The following CMPK1 variants were observed in gnomAD, a reference collection of about 807,000 sequenced individuals.
CMPK1 encodes UMP-CMP kinase.
A neutral mutation model predicts 25.7 loss-of-function variants in CMPK1; 10 were observed. The observed-to-expected ratio is 0.39, with a 90% confidence interval of 0.24 to 0.66. The LOEUF (loss-of-function observed/expected upper bound fraction) is 0.66. CMPK1 is among the 30% of genes least tolerant of loss of function. The probability of loss-of-function intolerance (pLI) is 0.48; values close to 1 mark genes in which losing one functional copy is unlikely to be tolerated. For synonymous variants in CMPK1, 106 were observed against 101.5 expected, an observed-to-expected ratio of 1.04 and a Z score of -0.27; for missense variants, 199 against 280.5, an observed-to-expected ratio of 0.71 and a Z score of 2.08.
intron 1 of CMPK1, among the ~76,000 whole-genome samples, chr1:47,367,014 C>T (rs1646643607): frequency 6.6e-6 from 1 of 152,156 alleles, no homozygotes; most frequent in South Asian, 2.1e-4. Context: ...GTGTGAGCCA[C>T]CGCACCCAGC....
At position 47,334,246 on chromosome 1, in the gene CMPK1, G is replaced by C. The variant is rs1170355335; in HGVS notation, c.171+130G>C. 7.6e-6 allele frequency: 7 copies of C among 921,030 alleles called. No homozygotes were observed. In the African/African-American group the frequency reaches 1.2e-4, roughly 16 times the overall value. The allele number at this position is 921,030 out of a possible 1,614,324, so 57.1% of individuals were successfully genotyped here. A position where few individuals can be genotyped will look rare whatever the true frequency, so the allele number is the denominator to read the frequency against. ...TACGAGTCCCGGCGGCCACCGCGCC[G>C]CCCGCGTGGCAGTGGCCGAGGGCCG... On this transcript the variant is annotated intron_variant, in intron 1 of 5. Transcript: ENST00000371873.
chr1:47,358,981 C>T (rs778375288), intron 1 of CMPK1: 8 of 969,574 alleles, frequency 8.3e-6, no homozygotes, highest in Non-Finnish European at 9.8e-6. Flanking sequence ...ATTCCTTAGG[C>T]AAATGATATT....
At chr1:47,345,321 T>A (rs1019102181) in intron 1 of CMPK1, among the ~76,000 whole-genome samples, 1 of 152,088 alleles carries the variant, frequency 6.6e-6, no homozygotes, top group African/African-American at 2.4e-5. Flanking sequence ...TGTCTCAGTT[T>A]TTTTTTTTCA....
rs377070117 is a variant in CMPK1 at position 47,352,277 on chromosome 1, G to C, written c.172-16192G>C. On this transcript the variant is annotated intron_variant, in intron 1 of 5. Transcript: ENST00000371873. The stretch of plus-strand genomic sequence containing the variant: ...TTATAAACATTTTCTCCCATCCTGT[G>C]GGCTGTCTTTTATTTTCTTGGTAGT... Among the ~76,000 whole-genome samples, 139 of 152,174 alleles carry C rather than the reference G, an allele frequency of 9.1e-4. 1 individual carries two copies. In the South Asian group the frequency reaches 0.029, roughly 31 times the overall value.
chr1:47,359,457 A>G (rs1173407680), intron 1 of CMPK1, among the ~76,000 whole-genome samples: 6 of 133,532 alleles, frequency 4.5e-5, no homozygotes, highest in Non-Finnish European at 9.2e-5. Flanking sequence ...GCATGATCTC[A>G]GCTCACTGCA....
chr1:47,364,266 G>A (rs150271402), intron 1 of CMPK1, among the ~76,000 whole-genome samples: 223 of 152,112 alleles, frequency 1.5e-3, no homozygotes, highest in Middle Eastern at 3.4e-3. Flanking sequence ...TCTAAAGGAC[G>A]CCTAATAGTT....
intron 1 of CMPK1, among the ~76,000 whole-genome samples, chr1:47,362,037 A>C (rs1414929980): frequency 6.6e-6 from 1 of 151,570 alleles, no homozygotes; most frequent in Admixed American, 6.6e-5. Context: ...TGCCTGGCTA[A>C]TTTTGTATTT....
At chr1:47,371,771 T>G (rs1323555854) in intron 2 of CMPK1, among the ~76,000 whole-genome samples, 1 of 152,218 alleles carries the variant, frequency 6.6e-6, no homozygotes, top group African/African-American at 2.4e-5. Context: ...AAAATGTTTG[T>G]TTTGAATTCC....
At chr1:47,375,772 T>C (rs965135161) in intron 5 of CMPK1, among the ~76,000 whole-genome samples, 7 of 152,218 alleles carry the variant, frequency 4.6e-5, no homozygotes, top group African/African-American at 1.7e-4. Context: ...CCATGACTTA[T>C]CACTTCTCTT....
chr1:47,352,766 A>G (rs560180830), intron 1 of CMPK1, among the ~76,000 whole-genome samples: 33 of 152,300 alleles, frequency 2.2e-4, no homozygotes, highest in Non-Finnish European at 3.4e-4. Context: ...ATCAAGAACC[A>G]AGAGGCCCAT....
intron 1 of CMPK1, among the ~76,000 whole-genome samples, chr1:47,351,494 G>A (rs1646522280): frequency 6.6e-6 from 1 of 152,174 alleles, no homozygotes; most frequent in South Asian, 2.1e-4. Context: ...ATCTGTTGAT[G>A]GACACTTAGG....
intron 1 of CMPK1, among the ~76,000 whole-genome samples, chr1:47,364,854 C>G (rs1646628498): frequency 6.6e-6 from 1 of 151,894 alleles, no homozygotes; most frequent in South Asian, 2.1e-4. Context: ...TCACTACATC[C>G]TGGGCTCAAG....
At chr1:47,358,515 A>AT in intron 1 of CMPK1, 1 of 1,012,788 alleles carries the variant, frequency 9.9e-7, no homozygotes, top group Non-Finnish European at 1.2e-6. Context: ...TGTAGATGTC[A>AT]TTTTTGGTAG....
intron 1 of CMPK1, chr1:47,358,343 C>G (rs1158706236): frequency 1.0e-6 from 1 of 971,458 alleles, no homozygotes; most frequent in Non-Finnish European, 1.4e-6. Context: ...AAACTCCTGG[C>G]CTCGAGCAAC....
At position 47,333,859 on chromosome 1, in the gene CMPK1, CG is replaced by C. The variant is rs1294062365; in HGVS notation, c.-86del. 2 of 960,114 alleles carry C rather than the reference CG, an allele frequency of 2.1e-6. No individual in the cohort carries two copies. The highest frequency in any genetic ancestry group is 2.5e-6 in the Non-Finnish European group (2 of 784,488). The allele number at this position is 960,114 out of a possible 1,614,324, so 59.5% of individuals were successfully genotyped here. On this transcript the variant is annotated 5_prime_UTR_variant, in exon 1 of 6. Coordinates refer to ENST00000371873, the MANE Select transcript of CMPK1 (RefSeq NM_016308.3). ...GGCCGCGGCGGGCGCCGGCTCAGCCCGCCCCTTTCTCCCGCCGCCTCCCCGC... is the reference window on the plus strand; with the variant it reads ...GGCCGCGGCGGGCGCCGGCTCAGCCCCCCCTTTCTCCCGCCGCCTCCCCGC...
chr1:47,357,880 C>A (rs1032114963), intron 1 of CMPK1, among the ~76,000 whole-genome samples: 1 of 152,032 alleles, frequency 6.6e-6, no homozygotes, highest in African/African-American at 2.4e-5. Context: ...GGCCCCACGT[C>A]CCAACACTGC....
intron 1 of CMPK1, among the ~76,000 whole-genome samples, chr1:47,337,068 A>G (rs1414374212): frequency 6.6e-6 from 1 of 152,182 alleles, no homozygotes; most frequent in Non-Finnish European, 1.5e-5. Flanking sequence ...GTGGATCACG[A>G]GGTCAGGAGA....
chr1:47,358,102 G>C (rs1432348754), intron 1 of CMPK1, among the ~76,000 whole-genome samples: 1 of 69,156 alleles, frequency 1.4e-5, no homozygotes, highest in Non-Finnish European at 2.6e-5. Flanking sequence ...GTCATAGTAG[G>C]TCTTTTTTTT....
chr1:47,337,771 C>T (rs1244913281), intron 1 of CMPK1, among the ~76,000 whole-genome samples: 1 of 152,024 alleles, frequency 6.6e-6, no homozygotes, highest in Admixed American at 6.6e-5. Context: ...CGCCACCATG[C>T]CCGGCTAATT....
Sources: allele counts gnomAD v4.1 joint callset (sites outside exome capture counted in the v4.1 genomes callset), GRCh38; gene constraint gnomAD v4.1.1; transcripts MANE v1.5; gene names NCBI Gene and HGNC (gene_info 2026-07-23, HGNC 2026-07-21).